ARHGEF4: variants seen among roughly 807,000 people sequenced by gnomAD.
ARHGEF4 encodes Rho guanine nucleotide exchange factor 4, also known as APC-stimulated guanine nucleotide exchange factor 1.
Under a neutral mutation model 162.0 loss-of-function variants are expected in ARHGEF4, and 119 were observed. That is an observed-to-expected ratio of 0.73 (90% CI 0.63 to 0.86). The LOEUF is 0.86. Among genes scored for constraint, ARHGEF4 ranks in the 40% least tolerant of loss-of-function variants. The pLI, the probability that ARHGEF4 is intolerant of heterozygous loss-of-function variation, is 0.00. For synonymous variants in ARHGEF4, 1,014 were observed against 979.9 expected (o/e 1.03, Z -0.65); for missense variants, 2,488 against 2,456.0 (o/e 1.01, Z -0.28).
intron 1 of ARHGEF4, among the ~76,000 whole-genome samples, chr2:130,869,799 A>T (rs576634918): frequency 2.0e-5 from 3 of 152,214 alleles, no homozygotes; most frequent in Non-Finnish European, 4.4e-5. Flanking sequence ...AGGCCACCTG[A>T]AACCCTGAAA....
At chr2:131,045,667 C>G in intron 13 of ARHGEF4, 1 of 1,496,154 alleles carries the variant, frequency 6.7e-7, no homozygotes, top group East Asian at 2.3e-5. Context: ...CTTGGCTCCC[C>G]CAGATCAGGG....
chr2:131,018,233 A>G (rs1187588859), intron 4 of ARHGEF4, among the ~76,000 whole-genome samples: 2 of 152,124 alleles, frequency 1.3e-5, no homozygotes, highest in African/African-American at 2.4e-5. Context: ...TGCCATTGTT[A>G]TTTTCATATT....
chr2:130,907,208 C>CA (rs1680866803), intron 1 of ARHGEF4, among the ~76,000 whole-genome samples: 1 of 87,254 alleles, frequency 1.1e-5, no homozygotes, highest in Admixed American at 1.6e-4. Context: ...TAGTTTGTCC[C>CA]TTTTTTTTTT....
Position 130,913,966 on chromosome 2 carries a change from C to T in ARHGEF4, c.40-20C>T, listed in dbSNP as rs937814324. 6.5e-7 allele frequency: 1 copy of T among 1,535,808 alleles called. No individual in the cohort carries two copies. Among genetic ancestry groups the T allele is most frequent in the Admixed American group, 2.0e-5 (1 of 50,984 alleles). Reference sequence around the variant, plus strand: ...TGTACTCAGGCCTTGTCTCTGACTCCTCTCTTCTTGCCCTCCCAGACTCCA... The same window carrying T: ...TGTACTCAGGCCTTGTCTCTGACTCTTCTCTTCTTGCCCTCCCAGACTCCA... On this transcript the variant is annotated intron_variant, in intron 1 of 13. Transcript: ENST00000409359.
chr2:130,994,076 G>C (rs1467898232), intron 4 of ARHGEF4, among the ~76,000 whole-genome samples: 2 of 152,166 alleles, frequency 1.3e-5, no homozygotes, highest in African/African-American at 4.8e-5. Context: ...ACCACGCTTG[G>C]CCTGTTCTTT....
At chr2:130,897,025 C>T (rs1046050041) in intron 1 of ARHGEF4, among the ~76,000 whole-genome samples, 3 of 152,060 alleles carry the variant, frequency 2.0e-5, no homozygotes, top group East Asian at 1.9e-4. Context: ...CTAGTTCCTG[C>T]GAGGTTCAGT....
At chr2:130,942,385 G>A (rs186480696) in intron 3 of ARHGEF4, among the ~76,000 whole-genome samples, 16 of 152,028 alleles carry the variant, frequency 1.1e-4, no homozygotes, top group African/African-American at 2.2e-4. Flanking sequence ...TCCTGACCTC[G>A]TGATCCACCC....
At chr2:130,848,152 A>G (rs55683027) in intron 1 of ARHGEF4, among the ~76,000 whole-genome samples, 12,783 of 152,122 alleles carry the variant, frequency 0.084, 785 homozygotes, top group African/African-American at 0.16. Flanking sequence ...AGGATGGGTG[A>G]CTTTGGCCTG....
Position 130,912,205 on chromosome 2 carries a change from C to T in ARHGEF4, c.40-1781C>T, listed in dbSNP as rs953365139. Among the ~76,000 whole-genome samples the T allele has an allele frequency of 6.6e-5, 10 of 152,352 alleles. No individual in the cohort carries two copies. In the East Asian group the frequency reaches 1.9e-3, roughly 29 times the overall value. ...TGCTCATGTCCATGTCTCACTGGTC[C>T]TCTCCTTGCCGTGGGAGGTAGGCAC... On this transcript the variant is annotated intron_variant, in intron 1 of 13. Transcript: ENST00000409359.
At position 131,012,978 on chromosome 2, in the gene ARHGEF4, A is replaced by G. The variant is rs141777401; in HGVS notation, c.3986-14967A>G. ...CGTACAAAATGAGAGATTTATGTAA[A>G]AACCACACCTTCAAGATCCAGGAAA... On this transcript the variant is annotated intron_variant, in intron 4 of 13. Transcript: ENST00000409359. 8.4e-4 allele frequency among the ~76,000 whole-genome samples: 128 copies of G among 152,334 alleles called. 1 individual carries two copies. Among genetic ancestry groups the G allele is most frequent in the East Asian group, 5.6e-3 (29 of 5,182 alleles).
chr2:130,968,397 T>A (rs1051166741), intron 4 of ARHGEF4, among the ~76,000 whole-genome samples: 1 of 152,204 alleles, frequency 6.6e-6, no homozygotes. Flanking sequence ...GCCTAAGACC[T>A]GCAAGTTAGC....
chr2:130,839,036 T>C (rs1400526660), intron 1 of ARHGEF4, among the ~76,000 whole-genome samples: 1 of 152,148 alleles, frequency 6.6e-6, no homozygotes, highest in African/African-American at 2.4e-5. Flanking sequence ...CTGAGACACC[T>C]GAGGCCTCCC....
rs145602777 is a variant in ARHGEF4, at chr2:131,022,447, C to G, written c.3986-5498C>G. ...GTTTATTTAATTTGCTATTGTACAA[C>G]AGTTCATGGTATTCTCATAATCATT... On this transcript the variant is annotated intron_variant, in intron 4 of 13. Transcript: ENST00000409359. Among the ~76,000 whole-genome samples, 351 of 152,180 alleles carry G rather than the reference C, an allele frequency of 2.3e-3. 2 individuals are homozygous for G. The highest frequency in any genetic ancestry group is 3.5e-3 in the Non-Finnish European group (241 of 67,990).
intron 4 of ARHGEF4, among the ~76,000 whole-genome samples, chr2:131,024,203 C>G (rs1689325830): frequency 6.6e-6 from 1 of 151,070 alleles, no homozygotes; most frequent in Non-Finnish European, 1.5e-5. Flanking sequence ...GCCGTCTGTA[C>G]TATAGTGGTA....
chr2:131,045,270 CATG>C (rs1326532826), intron 12 of ARHGEF4, 96 bp from the exon 13 acceptor site: 20 of 1,150,646 alleles, frequency 1.7e-5, no homozygotes, highest in Admixed American at 5.9e-5. Context: ...GTCCCCAGTA[CATG>C]ATGAGACCCT....
chr2:130,890,431 G>A (rs147342314), intron 1 of ARHGEF4, among the ~76,000 whole-genome samples: 2,128 of 152,062 alleles, frequency 0.014, 51 homozygotes, highest in African/African-American at 0.048. Flanking sequence ...GTGTGGTGGC[G>A]GGTGCCTGTA....
chr2:130,903,543 C>T (rs1165861171), intron 1 of ARHGEF4, among the ~76,000 whole-genome samples: 1 of 151,950 alleles, frequency 6.6e-6, no homozygotes, highest in Non-Finnish European at 1.5e-5. Flanking sequence ...CAGGCGTGAG[C>T]CACCGCACCT....
intron 1 of ARHGEF4, among the ~76,000 whole-genome samples, chr2:130,881,173 G>A (rs1679165546): frequency 6.6e-6 from 1 of 151,962 alleles, no homozygotes; most frequent in Non-Finnish European, 1.5e-5. Flanking sequence ...CTGGGACTAC[G>A]TGCACCACCA....
In ARHGEF4 at chr2:131,021,011, C is replaced by T. The variant is rs1447864175; in HGVS notation, c.3986-6934C>T. On this transcript the variant is annotated intron_variant, in intron 4 of 13. Coordinates refer to ENST00000409359, the MANE Select transcript of ARHGEF4 (RefSeq NM_001367493.1). ...TCGTTTGAGAAGTGTCTGTTCATATCCTCTGCCCACTTTTTGATGGGGTTG... is the reference window on the plus strand; with the variant it reads ...TCGTTTGAGAAGTGTCTGTTCATATTCTCTGCCCACTTTTTGATGGGGTTG... Among the ~76,000 whole-genome samples the T allele has an allele frequency of 3.9e-5, 6 of 152,106 alleles. No individual in the cohort carries two copies. The East Asian group carries it at 1.2e-3, about 29-fold the overall frequency.
Sources: allele counts gnomAD v4.1 joint callset (sites outside exome capture counted in the v4.1 genomes callset), GRCh38; gene constraint gnomAD v4.1.1; transcripts MANE v1.5; gene names NCBI Gene and HGNC (gene_info 2026-07-23, HGNC 2026-07-21).